Variants in CCDC50 observed in about 807,000 individuals in gnomAD.
CCDC50 encodes coiled-coil domain containing 50, also known as coiled-coil domain-containing protein 50.
In CCDC50, 54 loss-of-function variants were observed where a neutral mutation model predicts 70.2. That is an observed-to-expected ratio of 0.77 (90% confidence interval 0.62 to 0.96). The LOEUF (loss-of-function observed/expected upper bound fraction) is 0.96, where lower values mean the gene tolerates loss of function less well. Ranked by LOEUF, CCDC50 falls within the 50% of genes least tolerant of loss-of-function variation. CCDC50 has a pLI of 0.00. For synonymous variants in CCDC50, 216 were observed against 198.8 expected (o/e 1.09, Z -0.73); for missense variants, 558 against 578.7 (o/e 0.96, Z 0.37).
chr3:191,389,114 G>A (rs1209472294), intron 10 of CCDC50, among the ~76,000 whole-genome samples: 1 of 150,296 alleles, frequency 6.7e-6, no homozygotes, highest in Non-Finnish European at 1.5e-5. Context: ...TTTCTTCCTT[G>A]GCTTTATTAT....
At chr3:191,355,238 A>G (rs1576956793) in intron 1 of CCDC50, among the ~76,000 whole-genome samples, 4 of 152,226 alleles carry the variant, frequency 2.6e-5, no homozygotes, top group African/African-American at 7.2e-5. Context: ...AAGCTTTTCC[A>G]GTATAATAAA....
intron 10 of CCDC50, among the ~76,000 whole-genome samples, chr3:191,385,684 A>G: frequency 9.4e-6 from 1 of 106,244 alleles, no homozygotes; most frequent in African/African-American, 2.9e-5. Flanking sequence ...ATTTTGTTAT[A>G]TTTGTTTATT....
intron 1 of CCDC50, among the ~76,000 whole-genome samples, chr3:191,341,341 T>G (rs947381087): frequency 9.2e-5 from 14 of 152,188 alleles, no homozygotes; most frequent in African/African-American, 3.1e-4. Context: ...TTATCTAATT[T>G]AGTCCTCACA....
intron 4 of CCDC50, among the ~76,000 whole-genome samples, chr3:191,367,288 T>A (rs2108656599): frequency 6.6e-6 from 1 of 152,166 alleles, no homozygotes; most frequent in South Asian, 2.1e-4. Context: ...GAGAGTGGCG[T>A]ATTACTATGC....
intron 1 of CCDC50, among the ~76,000 whole-genome samples, chr3:191,355,580 A>ACC (rs1206906835): frequency 1.3e-5 from 2 of 151,588 alleles, no homozygotes; most frequent in Non-Finnish European, 2.9e-5. Flanking sequence ...GCCTTAGAAA[A>ACC]CCCCTTCTTC....
At chr3:191,361,502 A>G (rs1055104025) in intron 4 of CCDC50, among the ~76,000 whole-genome samples, 2 of 152,074 alleles carry the variant, frequency 1.3e-5, no homozygotes, top group Non-Finnish European at 1.5e-5. Flanking sequence ...GGGTCACGCT[A>G]CCTCTTGGGA....
intron 1 of CCDC50, among the ~76,000 whole-genome samples, chr3:191,336,054 A>G (rs1173994064): frequency 2.0e-5 from 3 of 151,802 alleles, no homozygotes; most frequent in Non-Finnish European, 4.4e-5. Context: ...CTGTTTATCC[A>G]TTCACTAATT....
Position 191,391,862 on chromosome 3 carries a change from C to A in CCDC50, c.*102C>A. On this transcript the variant is annotated 3_prime_UTR_variant, in exon 12 of 12. Transcript: ENST00000392455. ...ACTTTTTTTCTCCTGTGTTTGCATT[C>A]CTGGGATTTATCCTCAAGTGCATTT... 9.5e-7 allele frequency: 1 copy of A among 1,047,190 alleles called. No individual in the cohort carries two copies. The highest frequency in any genetic ancestry group is 1.5e-6 in the Non-Finnish European group (1 of 687,094). 64.9% of individuals were successfully genotyped at this position (1,047,190 alleles called of 1,614,324 possible). A position where few individuals can be genotyped will look rare whatever the true frequency, so the allele number is the denominator to read the frequency against.
intron 4 of CCDC50, 66 bp downstream of exon 4, chr3:191,361,225 T>G (rs1712476554): frequency 8.7e-7 from 1 of 1,150,282 alleles, no homozygotes; most frequent in Non-Finnish European, 1.3e-6. Context: ...AGCAAAAACT[T>G]TCTGTAGGTC....
intron 4 of CCDC50, among the ~76,000 whole-genome samples, chr3:191,366,477 T>A (rs1331455276): frequency 6.6e-6 from 1 of 152,070 alleles, no homozygotes; most frequent in African/African-American, 2.4e-5. Context: ...GTGGAACAGG[T>A]TTGTTTTTAC....
chr3:191,362,175 T>A (rs1210473030), intron 4 of CCDC50, among the ~76,000 whole-genome samples: 1 of 152,206 alleles, frequency 6.6e-6, no homozygotes, highest in African/African-American at 2.4e-5. Flanking sequence ...TCACCCAGGG[T>A]GGAGTGCAGT....
chr3:191,357,892 A>G, intron 2 of CCDC50, 106 bp from the exon 3 acceptor site: 1 of 1,368,952 alleles, frequency 7.3e-7, no homozygotes, highest in South Asian at 1.2e-5. Flanking sequence ...AAATGAAGTG[A>G]TGGATGCAAA....
chr3:191,334,157 G>C (rs564957637), intron 1 of CCDC50, among the ~76,000 whole-genome samples: 4 of 152,166 alleles, frequency 2.6e-5, no homozygotes, highest in African/African-American at 9.6e-5. Context: ...GCCACATGTT[G>C]TGTTGAGGGT....
At chr3:191,349,073 T>C (rs1712019034) in intron 1 of CCDC50, among the ~76,000 whole-genome samples, 1 of 141,476 alleles carries the variant, frequency 7.1e-6, no homozygotes, top group Non-Finnish European at 1.6e-5. Context: ...AGCTCCCTAC[T>C]TGCCCTGCTG....
chr3:191,376,946 G>T (rs1713136320), intron 6 of CCDC50, among the ~76,000 whole-genome samples: 1 of 152,064 alleles, frequency 6.6e-6, no homozygotes, highest in Non-Finnish European at 1.5e-5. Flanking sequence ...AGTGCTCTGA[G>T]GGCTAGTTAG....
intron 6 of CCDC50, among the ~76,000 whole-genome samples, chr3:191,379,743 G>A (rs553745439): frequency 2.0e-5 from 3 of 152,232 alleles, no homozygotes; most frequent in Non-Finnish European, 2.9e-5. Context: ...ATAGAAAGAA[G>A]CCTCTACTCT....
Position 191,396,068 on chromosome 3 carries a change from C to T in CCDC50, c.*4308C>T, listed in dbSNP as rs972002242. ...TTAAAGAGTCAGGATATTGTTGCTC[C>T]TGGTATTTAACAACTGTCATTAGAA... On this transcript the variant is annotated 3_prime_UTR_variant, in exon 12 of 12. Transcript: ENST00000392455. The T allele has an allele frequency of 6.6e-6, 1 of 152,056 alleles. No individual in the cohort carries two copies. Among genetic ancestry groups the T allele is most frequent in the South Asian group, 2.1e-4 (1 of 4,818 alleles). 9.4% of individuals were successfully genotyped at this position (152,056 alleles called of 1,614,324 possible).
intron 10 of CCDC50, 36 bp from the exon 11 acceptor site, chr3:191,389,457 TTAC>T: frequency 2.6e-6 from 4 of 1,518,146 alleles, no homozygotes; most frequent in Non-Finnish European, 3.7e-6. Context: ...GTAGTAAGCG[TTAC>T]TTAGAATGCC....
Position 191,348,066 on chromosome 3 carries a change from T to C in CCDC50, c.50-9022T>C, listed in dbSNP as rs970160443. On this transcript the variant is annotated intron_variant, in intron 1 of 11. Transcript: ENST00000392455. ...AAATTTTTAATGATATAATTAGTGC[T>C]ACAGTTCTATCCTGTAAACTACGTG... Among the ~76,000 whole-genome samples, 3 of 142,514 alleles carry C rather than the reference T, an allele frequency of 2.1e-5. 1 individual carries two copies. The highest frequency in any genetic ancestry group is 3.2e-5 in the Non-Finnish European group (2 of 63,174). 93.5% of individuals were successfully genotyped at this position (142,514 alleles called of 152,430 possible).
Sources: gnomAD v4.1 joint callset for allele counts (sites outside exome capture counted in the v4.1 genomes callset) on GRCh38, gnomAD v4.1.1 for gene constraint, MANE v1.5 for transcripts, NCBI Gene and HGNC (gene_info 2026-07-23, HGNC 2026-07-21) for gene names.